The following SEM1 variants were observed in gnomAD, a reference collection of about 807,000 sequenced individuals.
SEM1 encodes 26S proteasome complex subunit SEM1.
SEM1 carries 3 observed loss-of-function variants against 12.7 expected under a neutral mutation model. The observed-to-expected ratio is 0.24, with a 90% confidence interval of 0.11 to 0.61. SEM1 has a LOEUF of 0.61. SEM1 is among the 20% of genes least tolerant of loss of function. SEM1 has a pLI of 0.88. For synonymous variants in SEM1, 30 were observed against 27.8 expected, an observed-to-expected ratio of 1.08 and a Z score of -0.25; for missense variants, 59 against 81.3, an observed-to-expected ratio of 0.73 and a Z score of 1.06.
chr7:96,694,803 C>G lies in SEM1; in HGVS notation c.165G>C (p.Gln55His). The G allele has an allele frequency of 6.2e-7, 1 of 1,600,944 alleles. No individual in the cohort carries two copies. Among genetic ancestry groups the G allele is most frequent in the South Asian group, 1.1e-5 (1 of 90,456 alleles). ...AAATCTGGCTTAAAACTTACCGTAA[C>G]TGATTAGAGAAGTCATCCTCTACAT... ...DDNVEDDFSN[Q>H]LRAELEKHGY... Residue 55 changes from glutamine to histidine, a missense_variant, in exon 2 of 3, where the codon CAG becomes CAC. By Grantham distance (24) the Gln-to-His change is conservative. Transcript: ENST00000248566.
upstream of SEM1, among the ~76,000 whole-genome samples, chr7:96,497,456 T>C (rs1366203103): frequency 6.6e-6 from 1 of 152,210 alleles, no homozygotes; most frequent in Non-Finnish European, 1.5e-5. Context: ...TGGTACATGC[T>C]TAAATTGATA....
intron 1 of SEM1, chr7:96,696,065 T>C (rs1358256595): frequency 6.6e-6 from 1 of 151,876 alleles, no homozygotes; most frequent in Admixed American, 6.6e-5. Flanking sequence ...TTCTTTTAAC[T>C]TAGAGAGGGG....
chr7:96,700,704 T>A (rs1790244349), intron 1 of SEM1, among the ~76,000 whole-genome samples: 2 of 152,310 alleles, frequency 1.3e-5, no homozygotes, highest in Admixed American at 1.3e-4. Context: ...AAACACTACT[T>A]AAACCACAAT....
intron 2 of SEM1, among the ~76,000 whole-genome samples, chr7:96,562,288 A>G (rs1194302741): frequency 6.6e-6 from 1 of 152,188 alleles, no homozygotes; most frequent in African/African-American, 2.4e-5. Flanking sequence ...TTAGAAGTAG[A>G]TTAGAAGGCT....
At chr7:96,585,628 G>T (rs1221278056) in intron 2 of SEM1, among the ~76,000 whole-genome samples, 3 of 152,236 alleles carry the variant, frequency 2.0e-5, no homozygotes, top group Non-Finnish European at 4.4e-5. Context: ...GACTACATGG[G>T]CTTAGGACCC....
At chr7:96,483,604 C>G in exon 4 of SEM1, 1 of 463,216 alleles carries the variant, frequency 2.2e-6, no homozygotes, top group Non-Finnish European at 4.0e-6. Context: ...GGAGAAGTCA[C>G]TGTCTGAAAC....
chr7:96,570,227 G>C (rs1349462755), intron 2 of SEM1, among the ~76,000 whole-genome samples: 1 of 150,846 alleles, frequency 6.6e-6, no homozygotes, highest in African/African-American at 2.4e-5. Context: ...TTAAGTTCTG[G>C]GATACATGTG....
chr7:96,652,061 G>A (rs1809008616), intron 2 of SEM1, among the ~76,000 whole-genome samples: 1 of 152,138 alleles, frequency 6.6e-6, no homozygotes, highest in South Asian at 2.1e-4. Context: ...CATTGCTTTG[G>A]ATAGCATGTA....
chr7:96,554,962 T>C (rs13229287), intron 2 of SEM1, among the ~76,000 whole-genome samples: 47,808 of 94,612 alleles, frequency 0.51, 13,755 homozygotes, highest in Non-Finnish European at 0.61. Flanking sequence ...CCTTTTCTTC[T>C]AGATTTTCTG....
chr7:96,624,267 T>C (rs1339730979), intron 2 of SEM1, among the ~76,000 whole-genome samples: 1 of 152,296 alleles, frequency 6.6e-6, no homozygotes, highest in East Asian at 1.9e-4. Context: ...AAAAAGTTAA[T>C]GGTTGATAAA....
chr7:96,523,030 T>G (rs80045237), intron 2 of SEM1, among the ~76,000 whole-genome samples: 20 of 152,124 alleles, frequency 1.3e-4, no homozygotes, highest in African/African-American at 4.8e-4. Flanking sequence ...TCTGTGAAGA[T>G]GAACTGTGGC....
intron 2 of SEM1, among the ~76,000 whole-genome samples, chr7:96,668,285 T>C (rs2116566317): frequency 6.6e-6 from 1 of 152,304 alleles, no homozygotes; most frequent in South Asian, 2.1e-4. Flanking sequence ...AGAGTATAAA[T>C]TTTGACAATT....
chr7:96,508,114 G>T (rs148214989), intron 2 of SEM1, among the ~76,000 whole-genome samples: 2 of 151,948 alleles, frequency 1.3e-5, no homozygotes, highest in African/African-American at 4.8e-5. Context: ...TAGAAATGGG[G>T]TGAGTCTCTA....
chr7:96,544,649 A>C (rs757869591), intron 2 of SEM1, among the ~76,000 whole-genome samples: 8 of 152,044 alleles, frequency 5.3e-5, no homozygotes, highest in Non-Finnish European at 1.2e-4. Context: ...TGACCCTTCC[A>C]AAACTTAACT....
intron 2 of SEM1, among the ~76,000 whole-genome samples, chr7:96,631,996 A>G (rs149749193): frequency 2.2e-4 from 34 of 152,332 alleles, no homozygotes; most frequent in African/African-American, 8.2e-4. Context: ...AATCAAAACC[A>G]CAAGGAAATA....
intron 2 of SEM1, among the ~76,000 whole-genome samples, chr7:96,604,813 G>A (rs1214965481): frequency 6.6e-6 from 1 of 152,034 alleles, no homozygotes; most frequent in Non-Finnish European, 1.5e-5. Context: ...TAGCTACTCA[G>A]GACGCTGAGG....
At chr7:96,702,817 A>G (rs1790310512) in intron 1 of SEM1, among the ~76,000 whole-genome samples, 1 of 152,214 alleles carries the variant, frequency 6.6e-6, no homozygotes, top group Non-Finnish European at 1.5e-5. Flanking sequence ...TTCCACCTAA[A>G]AAGATGTCAT....
chr7:96,691,629 GTACT>G (rs1219887672), intron 2 of SEM1, among the ~76,000 whole-genome samples: 5 of 152,226 alleles, frequency 3.3e-5, no homozygotes, highest in Non-Finnish European at 7.3e-5. Context: ...GGGTTTCCAT[GTACT>G]TTACAGAAAA....
chr7:96,660,920 C>T (rs997353803), intron 2 of SEM1, among the ~76,000 whole-genome samples: 10 of 151,594 alleles, frequency 6.6e-5, no homozygotes, highest in African/African-American at 2.2e-4. Context: ...AATAGAAAAA[C>T]GTAATTACAA....
Sources: gnomAD v4.1 joint callset for allele counts (sites outside exome capture counted in the v4.1 genomes callset) on GRCh38, gnomAD v4.1.1 for gene constraint, MANE v1.5 for transcripts, NCBI Gene and HGNC (gene_info 2026-07-23, HGNC 2026-07-21) for gene names.